SUN1: variants seen among roughly 807,000 people sequenced by gnomAD.
SUN1 encodes Sad1 and UNC84 domain containing 1, also known as SUN domain-containing protein 1.
A neutral mutation model predicts 103.2 loss-of-function variants in SUN1; 61 were observed. The ratio of observed to expected loss-of-function variants is 0.59; its 90% confidence interval spans 0.48 to 0.73. SUN1 has a LOEUF of 0.73. SUN1 is among the 30% of genes least tolerant of loss of function. SUN1 has a pLI of 0.00. For missense variants in SUN1, 1,052 were observed against 1,034.6 expected (o/e 1.02, Z -0.23); for synonymous variants, 490 against 425.7 (o/e 1.15, Z -1.86).
Position 872,536 on chromosome 7 carries a change from G to A in SUN1, c.2215G>A (p.Glu739Lys). The A allele has an allele frequency of 6.3e-7, 1 of 1,597,162 alleles. No homozygotes were observed. Among genetic ancestry groups the A allele is most frequent in the Non-Finnish European group, 8.5e-7 (1 of 1,171,588 alleles). ...LGQFTYDQDG[E>K]SLQMFQALKR... ...ACAGTTCACGTATGATCAGGATGGG[G>A]AGTCGCTCCAGATGTTCCAGGCCCT... Residue 739 changes from glutamate (E) to lysine (K), a missense_variant, in exon 18 of 19, where the codon GAG becomes AAG. Coordinates refer to ENST00000401592, the MANE Select transcript of SUN1 (RefSeq NM_001130965.3).
At chr7:845,402 C>G (rs532329887) in intron 5 of SUN1, among the ~76,000 whole-genome samples, 279 of 152,310 alleles carry the variant, frequency 1.8e-3, no homozygotes, top group Middle Eastern at 0.017. Flanking sequence ...CCTGCCTTGC[C>G]CTCTCAGACA....
At chr7:871,845 G>C (rs187079765) in intron 17 of SUN1, among the ~76,000 whole-genome samples, 3 of 152,176 alleles carry the variant, frequency 2.0e-5, no homozygotes, top group Non-Finnish European at 4.4e-5. Flanking sequence ...TCTCTGACTC[G>C]GATAAAAGAT....
chr7:851,418 A>G lies in SUN1; in HGVS notation c.693A>G (p.Gly231=). 1 of 1,609,796 alleles carries G rather than the reference A, an allele frequency of 6.2e-7. No homozygotes were observed. The highest frequency in any genetic ancestry group is 1.3e-5 in the African/African-American group (1 of 74,964). Residue 231 remains glycine (G), a synonymous_variant, in exon 6 of 19, where the codon GGA becomes GGG. Transcript: ENST00000401592. The part of the protein sequence containing the change: ...YFLLQILRRI[G]AVGQAVSRTA... ...TGCTGCAGATTCTGCGCAGGATCGG[A>G]GCTGTGGGCCAGGCTGTGTCCAGGA...
chr7:860,078 A>G, intron 13 of SUN1, 50 bp from the exon 14 acceptor site: 1 of 1,599,484 alleles, frequency 6.3e-7, no homozygotes, highest in Non-Finnish European at 8.5e-7. Flanking sequence ...CGAACAGTGG[A>G]AGTGATTTAG....
At chr7:844,671 C>T (rs201997151) in intron 5 of SUN1, among the ~76,000 whole-genome samples, 1 of 152,222 alleles carries the variant, frequency 6.6e-6, no homozygotes, top group East Asian at 1.9e-4. Context: ...CCTCACAGCA[C>T]TGTGCACGGT....
At chr7:855,935 G>C (rs1347946750) in intron 11 of SUN1, among the ~76,000 whole-genome samples, 1 of 152,232 alleles carries the variant, frequency 6.6e-6, no homozygotes, top group East Asian at 1.9e-4. Flanking sequence ...GGGCTGTGGA[G>C]ACCTCCATGG....
chr7:820,647 A>C (rs576589369), intron 1 of SUN1, among the ~76,000 whole-genome samples: 1 of 152,312 alleles, frequency 6.6e-6, no homozygotes, highest in Admixed American at 6.5e-5. Context: ...TGCTCATCTT[A>C]GGTGAAAAAT....
intron 16 of SUN1, among the ~76,000 whole-genome samples, chr7:866,685 G>A (rs1462767646): frequency 1.0e-5 from 1 of 96,804 alleles, no homozygotes; most frequent in Non-Finnish European, 2.1e-5. Context: ...CGCCCCCACT[G>A]TCTCCCCACC....
chr7:821,807 A>G (rs1022602386), intron 1 of SUN1, among the ~76,000 whole-genome samples: 3 of 152,176 alleles, frequency 2.0e-5, no homozygotes, highest in African/African-American at 7.2e-5. Flanking sequence ...GGTCCTGAAC[A>G]CAGCGGGAAA....
intron 11 of SUN1, among the ~76,000 whole-genome samples, chr7:855,701 A>C (rs1826475426): frequency 6.6e-6 from 1 of 152,108 alleles, no homozygotes; most frequent in African/African-American, 2.4e-5. Context: ...GGCTGAGAGG[A>C]GCAGGCAGAG....
intron 1 of SUN1, chr7:817,364 G>C: frequency 1.3e-6 from 2 of 1,502,166 alleles, no homozygotes; most frequent in Non-Finnish European, 1.8e-6. Context: ...GCGCGCGCGT[G>C]GTCTCCGCGC....
intron 5 of SUN1, among the ~76,000 whole-genome samples, chr7:845,920 G>T (rs1346456311): frequency 6.6e-6 from 1 of 151,912 alleles, no homozygotes; most frequent in Non-Finnish European, 1.5e-5. Flanking sequence ...GCTGTCCCGG[G>T]GTTCTCGTCA....
chr7:851,169 T>C (rs754661973), intron 5 of SUN1: 51 of 390,716 alleles, frequency 1.3e-4, no homozygotes, highest in Non-Finnish European at 2.3e-5. Flanking sequence ...GTGAAAACTA[T>C]TAAAAAATAG....
chr7:830,865 G>C (rs565938725), upstream of SUN1: 13 of 823,348 alleles, frequency 1.6e-5, no homozygotes, highest in Non-Finnish European at 1.9e-5. Context: ...GTTGTTGCTC[G>C]GCAGTGCAGG....
chr7:869,532 C>T lies in SUN1; in HGVS notation c.2148+16C>T, dbSNP rs756122290. ...CGCCGTCTATGTGAGTGCCCTTGGC[C>T]GACCCTCCTCCTCCCACACCTTCCT... On this transcript the variant is annotated intron_variant, in intron 17 of 18. Transcript: ENST00000401592. 16 of 1,608,108 alleles carry T rather than the reference C, an allele frequency of 9.9e-6. No homozygotes were observed. In the East Asian group the frequency reaches 1.8e-4, roughly 18 times the overall value.
chr7:846,189 A>G (rs567108263), intron 5 of SUN1, among the ~76,000 whole-genome samples: 13 of 149,290 alleles, frequency 8.7e-5, no homozygotes, highest in African/African-American at 3.0e-4. Flanking sequence ...GCTCACTGCA[A>G]CCTCCACCTC....
intron 1 of SUN1, among the ~76,000 whole-genome samples, chr7:834,644 C>G (rs1801183597): frequency 6.6e-6 from 1 of 152,234 alleles, no homozygotes; most frequent in Admixed American, 6.5e-5. Context: ...CCTCCCCGCA[C>G]AGCTGGAAGG....
At chr7:834,370 G>C (rs1002565045) in intron 1 of SUN1, among the ~76,000 whole-genome samples, 3 of 152,350 alleles carry the variant, frequency 2.0e-5, no homozygotes, top group East Asian at 3.9e-4. Context: ...GGGAGGTCCA[G>C]CTCTGGATCA....
chr7:873,116 C>A, intron 18 of SUN1, 99 bp from the exon 19 acceptor site: 4 of 1,119,550 alleles, frequency 3.6e-6, no homozygotes, highest in South Asian at 1.3e-5. Flanking sequence ...TAATTTCCAA[C>A]TCAGCTGCTT....
Sources: gnomAD v4.1 joint callset for allele counts (sites outside exome capture counted in the v4.1 genomes callset) on GRCh38, gnomAD v4.1.1 for gene constraint, MANE v1.5 for transcripts, NCBI Gene and HGNC (gene_info 2026-07-23, HGNC 2026-07-21) for gene names.